HMCN1: variants seen among roughly 807,000 people sequenced by gnomAD.
HMCN1 encodes the protein hemicentin 1, also known as hemicentin-1.
A neutral mutation model predicts 625.9 loss-of-function variants in HMCN1; 321 were observed. That is an observed-to-expected ratio of 0.51 (90% CI 0.47 to 0.56). HMCN1 has a LOEUF of 0.56. Among genes scored for constraint, HMCN1 ranks in the 20% least tolerant of loss-of-function variants. The pLI, the probability that HMCN1 is intolerant of heterozygous loss-of-function variation, is 0.00. For synonymous variants in HMCN1, 2,425 were observed against 2,417.6 expected (o/e 1.00, Z -0.09); for missense variants, 6,588 against 6,887.3 (o/e 0.96, Z 1.54).
Position 185,734,952 on chromosome 1 carries a change from A to G in HMCN1, c.173A>G (p.Gln58Arg), listed in dbSNP as rs1048441564. The change falls in exon 1 of 107, where the codon CAG becomes CGG. Residue 58 changes from glutamine to arginine, a missense_variant. By Grantham distance (43) the Gln-to-Arg change is conservative. This residue lies in a region of HMCN1 where 4,628 missense variants were observed against 4,853.1 expected (regional missense o/e 0.95). Transcript: ENST00000271588. Reference protein sequence around the residue: ...VTGSMYDDLVQVIEGASKILE... With the variant: ...VTGSMYDDLVRVIEGASKILE... ...GGTTCTATGTATGATGATTTAGTTC[A>G]GGTGATTGAAGGGGCTTCCAAAATT... is the stretch of plus-strand genomic sequence containing the variant. The G allele has an allele frequency of 2.5e-6, 4 of 1,613,968 alleles. No homozygotes were observed. In the East Asian group the frequency reaches 6.7e-5, roughly 27 times the overall value.
intron 11 of HMCN1, among the ~76,000 whole-genome samples, chr1:185,959,457 TTTTATA>T (rs974820764): frequency 1.9e-4 from 29 of 152,178 alleles, no homozygotes; most frequent in African/African-American, 6.3e-4. Context: ...TTGGTTTTTA[TTTTATA>T]TTTATATTTA....
At chr1:185,858,662 G>A (rs532955766) in intron 2 of HMCN1, among the ~76,000 whole-genome samples, 208 of 122,468 alleles carry the variant, frequency 1.7e-3, no homozygotes, top group African/African-American at 6.5e-3. Context: ...TGTTGCACAG[G>A]CTGGTCTTAA....
intron 4 of HMCN1, among the ~76,000 whole-genome samples, chr1:185,890,735 G>A (rs1480423606): frequency 1.4e-5 from 1 of 70,250 alleles, no homozygotes; most frequent in African/African-American, 8.5e-5. Flanking sequence ...TTCCAAGTAT[G>A]TGGTCAATTT....
rs1650808270 is a variant in HMCN1 at position 186,153,659 on chromosome 1, T to G, written c.15019-91T>G. 25 of 1,018,858 alleles carry G rather than the reference T, an allele frequency of 2.5e-5. No individual in the cohort carries two copies. In the South Asian group the frequency reaches 3.1e-4, roughly 12 times the overall value. The allele number at this position is 1,018,858 out of a possible 1,614,324, so 63.1% of individuals were successfully genotyped here. Reference sequence around the variant, plus strand: ...TGTGTTTTTTAGCTCCTAATCCTTTTTCCCCGCTCATTCTGCATTTCATAG... The same window carrying G: ...TGTGTTTTTTAGCTCCTAATCCTTTGTCCCCGCTCATTCTGCATTTCATAG... On this transcript the variant is annotated intron_variant, in intron 96 of 106. Transcript: ENST00000271588.
At chr1:186,039,035 G>A (rs1472497106) in intron 38 of HMCN1, 30 bp downstream of exon 38, 2 of 1,478,196 alleles carry the variant, frequency 1.4e-6, no homozygotes, top group East Asian at 2.3e-5. Context: ...GATTCATTCT[G>A]GGGTAAAGAA....
At chr1:185,751,154 C>T (rs929712366) in intron 1 of HMCN1, among the ~76,000 whole-genome samples, 2 of 152,024 alleles carry the variant, frequency 1.3e-5, no homozygotes, top group Non-Finnish European at 2.9e-5. Context: ...GATTCTTATT[C>T]CCCCACCAAC....
chr1:185,814,480 A>G (rs771423449), intron 1 of HMCN1, among the ~76,000 whole-genome samples: 2 of 152,154 alleles, frequency 1.3e-5, no homozygotes, highest in Non-Finnish European at 2.9e-5. Context: ...AAAGATGAAT[A>G]TCTGCTTTCA....
intron 1 of HMCN1, among the ~76,000 whole-genome samples, chr1:185,787,390 A>G (rs966332618): frequency 2.0e-4 from 30 of 152,196 alleles, no homozygotes; most frequent in African/African-American, 7.2e-4. Flanking sequence ...GGCGCATGCC[A>G]TACTCAATCA....
At chr1:185,845,503 G>A (rs1408700951) in intron 1 of HMCN1, among the ~76,000 whole-genome samples, 1 of 152,198 alleles carries the variant, frequency 6.6e-6, no homozygotes, top group Non-Finnish European at 1.5e-5. Flanking sequence ...TTACAGGCGT[G>A]AGCCACCGCA....
intron 4 of HMCN1, among the ~76,000 whole-genome samples, chr1:185,875,314 C>T (rs1476799592): frequency 1.3e-5 from 2 of 151,818 alleles, no homozygotes; most frequent in Non-Finnish European, 2.9e-5. Flanking sequence ...TCAAACACAC[C>T]TCATATACTC....
rs1417969409 is a variant in HMCN1 at position 186,166,862 on chromosome 1, A to C, written c.15494A>C (p.Asp5165Ala). The change falls in exon 100 of 107, where the codon GAC becomes GCC. Residue 5165 changes from aspartate (D) to alanine (A), a missense_variant. By Grantham distance (126) the Asp-to-Ala change is moderately radical. Transcript: ENST00000271588. Reference sequence around the variant, plus strand: ...ACCTGCCACGCTGGTCAGGACTGTGACAATACGATTGGATCTTATCGCTGT... The same window carrying C: ...ACCTGCCACGCTGGTCAGGACTGTGCCAATACGATTGGATCTTATCGCTGT... Reference protein sequence around the residue: ...RHTCHAGQDCDNTIGSYRCVV... With the variant: ...RHTCHAGQDCANTIGSYRCVV... 1.2e-6 allele frequency: 2 copies of C among 1,614,164 alleles called. No homozygotes were observed. The highest frequency in any genetic ancestry group is 1.7e-6 in the Non-Finnish European group (2 of 1,180,006).
At chr1:186,178,078 G>A (rs1652710488) in intron 103 of HMCN1, among the ~76,000 whole-genome samples, 1 of 152,080 alleles carries the variant, frequency 6.6e-6, no homozygotes, top group Admixed American at 6.6e-5. Flanking sequence ...AGCTCCCTAG[G>A]TCTTAAGGCC....
intron 106 of HMCN1, among the ~76,000 whole-genome samples, chr1:186,189,167 A>AGT (rs1476102667): frequency 6.6e-6 from 1 of 152,222 alleles, no homozygotes; most frequent in Non-Finnish European, 1.5e-5. Context: ...CTCTTTAAGA[A>AGT]GTACTTGTTT....
At chr1:185,794,098 T>G (rs1658192852) in intron 1 of HMCN1, among the ~76,000 whole-genome samples, 1 of 152,204 alleles carries the variant, frequency 6.6e-6, no homozygotes, top group African/African-American at 2.4e-5. Context: ...ATGTTACGAT[T>G]TGTTTCAGTT....
chr1:186,131,417 C>G (rs758357078), intron 85 of HMCN1, among the ~76,000 whole-genome samples: 2 of 152,100 alleles, frequency 1.3e-5, no homozygotes, highest in Non-Finnish European at 2.9e-5. Context: ...CCCTTTTCCT[C>G]TATTACTATT....
intron 19 of HMCN1, among the ~76,000 whole-genome samples, chr1:185,984,540 G>A (rs982230744): frequency 6.6e-6 from 1 of 152,152 alleles, no homozygotes; most frequent in Admixed American, 6.5e-5. Context: ...TGGCCAAGGG[G>A]TTTTGTAAGT....
At chr1:185,782,399 C>G (rs533348446) in intron 1 of HMCN1, among the ~76,000 whole-genome samples, 1 of 152,202 alleles carries the variant, frequency 6.6e-6, no homozygotes, top group South Asian at 2.1e-4. Context: ...ATGATGTTAG[C>G]TGGTTATTTT....
intron 1 of HMCN1, among the ~76,000 whole-genome samples, chr1:185,736,257 T>C (rs1653565272): frequency 6.6e-6 from 1 of 152,172 alleles, no homozygotes; most frequent in African/African-American, 2.4e-5. Flanking sequence ...AATATATATA[T>C]ACACACACAT....
chr1:186,047,095 G>A (rs1227116265), intron 41 of HMCN1, among the ~76,000 whole-genome samples: 1 of 152,128 alleles, frequency 6.6e-6, no homozygotes, highest in East Asian at 1.9e-4. Context: ...CTTACCCAAG[G>A]AAGACAGAAG....
Sources: gnomAD v4.1 joint callset for allele counts (sites outside exome capture counted in the v4.1 genomes callset) on GRCh38, gnomAD v4.1.1 for gene constraint, gnomAD v4.1.1 regional missense constraint, MANE v1.5 for transcripts, NCBI Gene and HGNC (gene_info 2026-07-23, HGNC 2026-07-21) for gene names.